Variants in CCDC122 observed in about 807,000 individuals in gnomAD.
The protein encoded by CCDC122 is coiled-coil domain containing 122.
CCDC122 carries 38 observed loss-of-function variants against 37.0 expected under a neutral mutation model. The observed-to-expected ratio is 1.03, with a 90% CI of 0.79 to 1.35. CCDC122 has a LOEUF of 1.35. CCDC122 is among the 40% of genes most tolerant of loss of function. The pLI is 0.00. For synonymous variants in CCDC122, 83 were observed against 95.6 expected (o/e 0.87, Z 0.77); for missense variants, 305 against 310.0 (o/e 0.98, Z 0.12).
intron 1 of CCDC122, among the ~76,000 whole-genome samples, chr13:43,876,032 A>T (rs1954600044): frequency 6.6e-6 from 1 of 152,218 alleles, no homozygotes. Flanking sequence ...GGAGGCATGG[A>T]GCTTGAAGTC....
intron 4 of CCDC122, among the ~76,000 whole-genome samples, chr13:43,861,026 C>CATAA (rs1393183087): frequency 6.6e-6 from 1 of 152,162 alleles, no homozygotes; most frequent in Non-Finnish European, 1.5e-5. Context: ...CTAGGTAGTT[C>CATAA]ATAAGCCTGG....
chr13:43,841,004 T>A (rs148015258), intron 6 of CCDC122, among the ~76,000 whole-genome samples: 1 of 152,306 alleles, frequency 6.6e-6, no homozygotes, highest in East Asian at 1.9e-4. Flanking sequence ...CCACTAACAG[T>A]GTAAAAGTGT....
At chr13:43,858,633 T>C (rs1954005255) in intron 6 of CCDC122, 148 bp downstream of exon 6, 1 of 482,878 alleles carries the variant, frequency 2.1e-6, no homozygotes, top group Non-Finnish European at 3.2e-6. Flanking sequence ...TAGTTATCTA[T>C]TAATGATTTG....
Position 43,869,330 on chromosome 13 carries a change from C to T in CCDC122, c.46+1G>A, listed in dbSNP as rs1422036594. On this transcript the variant is annotated splice_donor_variant, in intron 3 of 6. Transcript: ENST00000444614. LOFTEE classifies it high-confidence loss of function. ...TTTATTTCTTAAGACTGTTTCATTACCTTCTTTAGGAAATCCTTGACTCTT... is the reference window on the plus strand; with the variant it reads ...TTTATTTCTTAAGACTGTTTCATTATCTTCTTTAGGAAATCCTTGACTCTT... The T allele has an allele frequency of 7.5e-6, 12 of 1,600,378 alleles. No homozygotes were observed. Among genetic ancestry groups the T allele is most frequent in the Non-Finnish European group, 1.0e-5 (12 of 1,169,452 alleles).
intron 4 of CCDC122, among the ~76,000 whole-genome samples, chr13:43,861,936 C>T (rs555789483): frequency 6.6e-6 from 1 of 152,124 alleles, no homozygotes; most frequent in Non-Finnish European, 1.5e-5. Context: ...ACCCCCACAA[C>T]CTATTTCTCA....
chr13:43,879,201 C>A (rs989150530), intron 1 of CCDC122: 3 of 152,628 alleles, frequency 2.0e-5, no homozygotes, highest in Non-Finnish European at 4.4e-5. Context: ...ACCCACCATT[C>A]CCGCCGCCCC....
chr13:43,848,859 G>A (rs1953630478), intron 6 of CCDC122: 24 of 972,414 alleles, frequency 2.5e-5, no homozygotes, highest in Non-Finnish European at 2.8e-5. Context: ...ACTGTAACAA[G>A]GCCATGGCTA....
chr13:43,857,895 T>C (rs4942250), intron 6 of CCDC122, among the ~76,000 whole-genome samples: 77,117 of 151,820 alleles, frequency 0.51, 20,024 homozygotes, highest in African/African-American at 0.6. Flanking sequence ...AGAGCAAGAC[T>C]CCGTCTCAAA....
intron 6 of CCDC122, among the ~76,000 whole-genome samples, chr13:43,846,061 G>A (rs1249898281): frequency 6.6e-6 from 1 of 151,748 alleles, no homozygotes; most frequent in Non-Finnish European, 1.5e-5. Flanking sequence ...TCTTAGCTAT[G>A]GATCATATTT....
At chr13:43,819,833 A>G (rs1190504081), downstream of CCDC122, among the ~76,000 whole-genome samples, 2 of 152,134 alleles carry the variant, frequency 1.3e-5, no homozygotes, top group Non-Finnish European at 2.9e-5. Flanking sequence ...TGAAATAAAG[A>G]TTTTAAAATG....
In CCDC122 at chr13:43,837,358, T is replaced by C; in HGVS notation, c.744A>G (p.Arg248=). 1 of 1,614,088 alleles carries C rather than the reference T, an allele frequency of 6.2e-7. No homozygotes were observed. The change falls in exon 7 of 7, where the codon AGA becomes AGG. Residue 248 remains arginine, a synonymous_variant. Transcript: ENST00000444614. ...HCQVNKLQSN[R]RQWQWNIQQL... Reference sequence around the variant, plus strand: ...GTTGAATGTTCCATTGCCACTGTCGTCTATTTGACTGAAGCTTGTTCACCT... The same window carrying C: ...GTTGAATGTTCCATTGCCACTGTCGCCTATTTGACTGAAGCTTGTTCACCT...
intron 3 of CCDC122, among the ~76,000 whole-genome samples, chr13:43,829,112 G>A (rs559052375): frequency 6.6e-6 from 1 of 152,170 alleles, no homozygotes; most frequent in African/African-American, 2.4e-5. Context: ...TACTGTTAAA[G>A]TTACTATAAA....
intron 6 of CCDC122, among the ~76,000 whole-genome samples, chr13:43,843,700 A>G (rs895340486): frequency 1.3e-5 from 2 of 151,980 alleles, no homozygotes; most frequent in Non-Finnish European, 2.9e-5. Flanking sequence ...GGAGCCTTAT[A>G]TATGGGAAGA....
downstream of CCDC122, among the ~76,000 whole-genome samples, chr13:43,834,340 T>TA (rs1953119421): frequency 6.6e-6 from 1 of 152,178 alleles, no homozygotes; most frequent in African/African-American, 2.4e-5. Flanking sequence ...ACATTAGATC[T>TA]AAAACCATAA....
rs117055976 is a variant in CCDC122, at chr13:43,871,813, T to A, written c.-113-2324A>T. 9.9e-3 allele frequency among the ~76,000 whole-genome samples: 1,511 copies of A among 152,200 alleles called. 7 individuals carry two copies. The highest frequency in any genetic ancestry group is 0.024 in the Middle Eastern group (7 of 294). ...ATTCCACTGCCACCATATTTCCTTT[T>A]CTTCTCTCTAAAACCCTCTCTAGTT... On this transcript the variant is annotated intron_variant, in intron 2 of 6. Coordinates refer to ENST00000444614, the MANE Select transcript of CCDC122 (RefSeq NM_144974.5).
At chr13:43,820,201 A>G (rs1182007778), downstream of CCDC122, among the ~76,000 whole-genome samples, 2 of 152,234 alleles carry the variant, frequency 1.3e-5, no homozygotes, top group Admixed American at 1.3e-4. Flanking sequence ...TGATTTACTT[A>G]TAAGTCCAAA....
chr13:43,828,351 T>G (rs925299891), intron 3 of CCDC122, among the ~76,000 whole-genome samples: 1 of 152,164 alleles, frequency 6.6e-6, no homozygotes, highest in South Asian at 2.1e-4. Flanking sequence ...TAGGAATGTT[T>G]CGAGCCTAAT....
chr13:43,865,720 C>T (rs1303865184), intron 4 of CCDC122, among the ~76,000 whole-genome samples: 1 of 152,116 alleles, frequency 6.6e-6, no homozygotes, highest in Non-Finnish European at 1.5e-5. Flanking sequence ...CTGCCTCGGC[C>T]TCCCAAAGTG....
At chr13:43,830,032 C>A (rs1953074441) in intron 3 of CCDC122, among the ~76,000 whole-genome samples, 1 of 152,004 alleles carries the variant, frequency 6.6e-6, no homozygotes, top group South Asian at 2.1e-4. Context: ...CGCATCACCA[C>A]GCCCAGCTAA....
Sources: gnomAD v4.1 joint callset for allele counts (sites outside exome capture counted in the v4.1 genomes callset) on GRCh38, gnomAD v4.1.1 for gene constraint, MANE v1.5 for transcripts, NCBI Gene and HGNC (gene_info 2026-07-23, HGNC 2026-07-21) for gene names.